The following ONECUT2 variants were observed in gnomAD, a reference collection of about 807,000 sequenced individuals.
ONECUT2 encodes one cut homeobox 2, also known as one cut domain family member 2.
Under a neutral mutation model 27.9 loss-of-function variants are expected in ONECUT2, and 10 were observed. That is an observed-to-expected ratio of 0.36 (90% confidence interval 0.22 to 0.61). The LOEUF (loss-of-function observed/expected upper bound fraction) is 0.61. ONECUT2 is among the 20% of genes least tolerant of loss of function. ONECUT2 has a pLI of 0.73. For synonymous variants in ONECUT2, 334 were observed against 315.1 expected, an observed-to-expected ratio of 1.06 and a Z score of -0.64; for missense variants, 686 against 721.0, an observed-to-expected ratio of 0.95 and a Z score of 0.56.
chr18:57,464,810 C>T (rs1451981666), intron 1 of ONECUT2, among the ~76,000 whole-genome samples: 1 of 152,152 alleles, frequency 6.6e-6, no homozygotes, highest in African/African-American at 2.4e-5. Flanking sequence ...ATATTCGTAG[C>T]CACATAGGGC....
chr18:57,437,953 G>A (rs975051997), intron 1 of ONECUT2, among the ~76,000 whole-genome samples: 2 of 152,248 alleles, frequency 1.3e-5, no homozygotes, highest in South Asian at 2.1e-4. Context: ...GAGGACTGGC[G>A]GCCCGCGGGA....
At chr18:57,459,176 G>T (rs1381611323) in intron 1 of ONECUT2, among the ~76,000 whole-genome samples, 1 of 152,186 alleles carries the variant, frequency 6.6e-6, no homozygotes, top group Admixed American at 6.5e-5. Flanking sequence ...TCTATATGTT[G>T]CCTTCAGGAA....
chr18:57,444,505 G>A (rs923093318), intron 1 of ONECUT2: 3 of 453,266 alleles, frequency 6.6e-6, no homozygotes, highest in African/African-American at 6.0e-5. Context: ...CAGTGCCCTT[G>A]AGCATGAAGC....
chr18:57,443,477 G>A (rs1415085323), intron 1 of ONECUT2, among the ~76,000 whole-genome samples: 2 of 152,190 alleles, frequency 1.3e-5, no homozygotes, highest in Non-Finnish European at 2.9e-5. Context: ...TATGCTGTCA[G>A]GTATAGAGCT....
At chr18:57,472,229 G>A (rs1698242707) in intron 1 of ONECUT2, among the ~76,000 whole-genome samples, 1 of 152,158 alleles carries the variant, frequency 6.6e-6, no homozygotes, top group Admixed American at 6.5e-5. Context: ...GGGCACATGT[G>A]GACTATAGAG....
Position 57,436,110 on chromosome 18 carries a change from A to G in ONECUT2, c.394A>G (p.Ser132Gly). The change falls in exon 1 of 2, where the codon AGC (serine) becomes GGC (glycine). Residue 132 changes from serine (S) to glycine (G), a missense_variant. By Grantham distance (56) the Ser-to-Gly change is moderately conservative. This residue lies in a region of ONECUT2 where 511 missense variants were observed against 488.1 expected (regional missense o/e 1.05). Transcript: ENST00000491143. This position sits in a 1 kb window ranked among gnomAD's most constrained non-coding sequence, Gnocchi z 5.9. Reference sequence around the variant, plus strand: ...CTCCATCCCGCTGCACCACGCCATGAGCATGTCCTGCGACTCGTCTCCGCC... The same window carrying G: ...CTCCATCCCGCTGCACCACGCCATGGGCATGTCCTGCGACTCGTCTCCGCC... ...ELSIPLHHAMSMSCDSSPPGM... is the reference protein window; with the variant it reads ...ELSIPLHHAMGMSCDSSPPGM... 1 of 1,601,036 alleles carries G rather than the reference A, an allele frequency of 6.2e-7. No individual in the cohort carries two copies. The highest frequency in any genetic ancestry group is 8.5e-7 in the Non-Finnish European group (1 of 1,179,852).
chr18:57,465,216 G>T (rs992951323), intron 1 of ONECUT2, among the ~76,000 whole-genome samples: 1 of 152,138 alleles, frequency 6.6e-6, no homozygotes, highest in Non-Finnish European at 1.5e-5. Flanking sequence ...AGGCTGGAGT[G>T]CAGTGGCATG....
Position 57,486,924 on chromosome 18 carries a change from G to T in ONECUT2, c.*10201G>T, listed in dbSNP as rs538990133. ...CTGCCAATCAGTGCTATAATTTTAT[G>T]CATGAGGCTAAAAATTTAGCAGTGT... On this transcript the variant is annotated 3_prime_UTR_variant, in exon 2 of 2. Transcript: ENST00000491143. 2.6e-5 allele frequency: 4 copies of T among 152,728 alleles called. No individual in the cohort carries two copies. The highest frequency in any genetic ancestry group is 3.9e-4 in the East Asian group (2 of 5,182). 9.5% of individuals were successfully genotyped at this position (152,728 alleles called of 1,614,324 possible).
At position 57,436,439 on chromosome 18, in the gene ONECUT2, C is replaced by G. The variant is rs371795877; in HGVS notation, c.723C>G (p.Asn241Lys). The G allele has an allele frequency of 3.1e-6, 5 of 1,612,564 alleles. No individual in the cohort carries two copies. The highest frequency in any genetic ancestry group is 4.2e-6 in the Non-Finnish European group (5 of 1,179,870). ...GCAACGGGCTAGGCGGCCTCCACAA[C>G]GCGCAGCAGAGTCTGCCCAACTACG... is the stretch of plus-strand genomic sequence containing the variant. ...PLGNGLGGLHNAQQSLPNYGP... is the reference protein window; with the variant it reads ...PLGNGLGGLHKAQQSLPNYGP... The change falls in exon 1 of 2, where the codon AAC becomes AAG. Residue 241 changes from asparagine (N) to lysine (K), a missense_variant. Physicochemically the swap from Asn to Lys is moderately conservative, Grantham distance 94. Coordinates refer to ENST00000491143, the MANE Select transcript of ONECUT2 (RefSeq NM_004852.3). The surrounding 1 kb of genome is among the most constrained non-coding windows in gnomAD (Gnocchi z 5.9).
chr18:57,470,698 T>C (rs1473075716), intron 1 of ONECUT2, among the ~76,000 whole-genome samples: 3 of 152,066 alleles, frequency 2.0e-5, no homozygotes, highest in African/African-American at 7.2e-5. Context: ...GACATGCGGT[T>C]CCAGGGTAAT....
intron 1 of ONECUT2, among the ~76,000 whole-genome samples, chr18:57,469,904 G>T (rs145030611): frequency 4.4e-4 from 67 of 152,300 alleles, no homozygotes; most frequent in African/African-American, 1.6e-3. Flanking sequence ...CTGATAAGTG[G>T]CTGACAAGGA....
chr18:57,467,648 A>G (rs1448904237), intron 1 of ONECUT2, among the ~76,000 whole-genome samples: 1 of 152,170 alleles, frequency 6.6e-6, no homozygotes, highest in Non-Finnish European at 1.5e-5. Context: ...TACAGGCATG[A>G]GCCACCTCAC....
At chr18:57,439,211 G>A (rs1217878113) in intron 1 of ONECUT2, among the ~76,000 whole-genome samples, 4 of 152,250 alleles carry the variant, frequency 2.6e-5, no homozygotes, top group Non-Finnish European at 5.9e-5. Context: ...AGATGAGAAA[G>A]CGTGGCATCC....
chr18:57,457,864 T>C (rs2050268666), intron 1 of ONECUT2, among the ~76,000 whole-genome samples: 1 of 151,980 alleles, frequency 6.6e-6, no homozygotes, highest in African/African-American at 2.4e-5. Flanking sequence ...CAGCCAACTA[T>C]CGCAAGGACA....
rs766442075 is a variant in ONECUT2 at position 57,488,194 on chromosome 18, C to G, written c.*11471C>G. The G allele has an allele frequency of 1.3e-5, 2 of 152,526 alleles. No homozygotes were observed. Among genetic ancestry groups the G allele is most frequent in the African/African-American group, 4.8e-5 (2 of 41,418 alleles). The allele number at this position is 152,526 out of a possible 1,614,324, so 9.4% of individuals were successfully genotyped here. A position where few individuals can be genotyped will look rare whatever the true frequency, so the allele number is the denominator to read the frequency against. ...TGATATATAGTCTTTTTATTTTTCT[C>G]TTATTAATCTGCCAAAGATGGGAAC... On this transcript the variant is annotated 3_prime_UTR_variant, in exon 2 of 2. Coordinates refer to ENST00000491143, the MANE Select transcript of ONECUT2 (RefSeq NM_004852.3).
chr18:57,443,490 G>A (rs72930582), intron 1 of ONECUT2, among the ~76,000 whole-genome samples: 15,565 of 152,140 alleles, frequency 0.1, 971 homozygotes, highest in South Asian at 0.17. Flanking sequence ...ATAGAGCTCC[G>A]TCAGGCTAAC....
intron 1 of ONECUT2, among the ~76,000 whole-genome samples, chr18:57,469,971 C>A (rs1347541417): frequency 6.6e-6 from 1 of 152,202 alleles, no homozygotes. Context: ...TTGACTCACC[C>A]CTGGGCAGGA....
chr18:57,483,204 G>C lies in ONECUT2; in HGVS notation c.*6481G>C, dbSNP rs2050424258. On this transcript the variant is annotated 3_prime_UTR_variant, in exon 2 of 2. Transcript: ENST00000491143. ...ACTGATGGGGAGACAGTGGGCTCTG[G>C]TTTCCAGGATTGAGACAATGGTACT... is the stretch of plus-strand genomic sequence containing the variant. 6.6e-6 allele frequency: 1 copy of C among 152,614 alleles called. No individual in the cohort carries two copies. Among genetic ancestry groups the C allele is most frequent in the African/African-American group, 2.4e-5 (1 of 41,452 alleles). The allele number at this position is 152,614 out of a possible 1,614,324, so 9.5% of individuals were successfully genotyped here. A position where few individuals can be genotyped will look rare whatever the true frequency, so the allele number is the denominator to read the frequency against.
rs1354182005 is a variant in ONECUT2 at position 57,486,635 on chromosome 18, T to C, written c.*9912T>C. The C allele has an allele frequency of 6.6e-6, 1 of 152,610 alleles. No individual in the cohort carries two copies. Among genetic ancestry groups the C allele is most frequent in the Non-Finnish European group, 1.5e-5 (1 of 68,030 alleles). The allele number at this position is 152,610 out of a possible 1,614,324, so 9.5% of individuals were successfully genotyped here. On this transcript the variant is annotated 3_prime_UTR_variant, in exon 2 of 2. Transcript: ENST00000491143. ...AAAGAAAAAAGAAAAAAAAGCTTTA[T>C]ACGTTTTAGGTTGTGCTTTTGTAAT... is the stretch of plus-strand genomic sequence containing the variant.
Sources: allele counts gnomAD v4.1 joint callset (sites outside exome capture counted in the v4.1 genomes callset), GRCh38; gene constraint gnomAD v4.1.1; regional missense constraint gnomAD v4.1.1; non-coding constraint Gnocchi (gnomAD v3.1); transcripts MANE v1.5; gene names NCBI Gene and HGNC (gene_info 2026-07-23, HGNC 2026-07-21).